MLLT3: variants seen among roughly 807,000 people sequenced by gnomAD.
MLLT3 encodes the protein protein AF-9.
MLLT3 carries 4 observed loss-of-function variants against 53.2 expected under a neutral mutation model. That is an observed-to-expected ratio of 0.08 (90% CI 0.04 to 0.17). The LOEUF is 0.17. Ranked by LOEUF, MLLT3 falls within the 10% of genes least tolerant of loss-of-function variation. MLLT3 has a pLI of 1.00. For synonymous variants in MLLT3, 283 were observed against 230.6 expected (o/e 1.23, Z -2.06); for missense variants, 569 against 684.0 (o/e 0.83, Z 1.87).
chr9:20,426,736 C>A (rs975525043), intron 4 of MLLT3, among the ~76,000 whole-genome samples: 1 of 151,808 alleles, frequency 6.6e-6, no homozygotes, highest in Non-Finnish European at 1.5e-5. Context: ...TATGATACAA[C>A]TAGATATTAG....
intron 2 of MLLT3, among the ~76,000 whole-genome samples, chr9:20,559,831 G>GA (rs1819155876): frequency 6.6e-6 from 1 of 152,160 alleles, no homozygotes; most frequent in African/African-American, 2.4e-5. Flanking sequence ...TTGGTAAAAA[G>GA]AAAGACTGAC....
intron 8 of MLLT3, among the ~76,000 whole-genome samples, chr9:20,356,503 C>T (rs375005173): frequency 6.6e-6 from 1 of 151,948 alleles, no homozygotes; most frequent in Admixed American, 6.6e-5. Context: ...TGGCACTCCT[C>T]GCCAACTCAG....
intron 4 of MLLT3, among the ~76,000 whole-genome samples, chr9:20,427,948 T>C (rs532088193): frequency 5.9e-5 from 9 of 152,250 alleles, no homozygotes; most frequent in African/African-American, 1.9e-4. Context: ...TATTATTATT[T>C]GCTGTTTTCT....
chr9:20,598,230 C>G (rs544681921), intron 2 of MLLT3, among the ~76,000 whole-genome samples: 94 of 152,350 alleles, frequency 6.2e-4, no homozygotes, highest in Admixed American at 2.6e-3. Flanking sequence ...GTTCAAACAT[C>G]TGCTATATAA....
At chr9:20,418,718 G>A (rs1458580285) in intron 4 of MLLT3, among the ~76,000 whole-genome samples, 1 of 152,130 alleles carries the variant, frequency 6.6e-6, no homozygotes, top group Admixed American at 6.5e-5. Context: ...CTGGGCTCAA[G>A]TGATCCTCCT....
At position 20,620,289 on chromosome 9, in the gene MLLT3, A is replaced by ACG. The variant is rs1162981282; in HGVS notation, c.193+364_193+365insCG. On this transcript the variant is annotated intron_variant, in intron 2 of 10. Transcript: ENST00000380338. The surrounding 1 kb of genome is among the most constrained non-coding windows in gnomAD (Gnocchi z 6.1). ...CACACACACACACACACACACACAC[A>ACG]CACACGCGCAAAGTGTTTATTCCCT... 5.3e-3 allele frequency among the ~76,000 whole-genome samples: 714 copies of ACG among 134,480 alleles called. 5 individuals carry two copies. The highest frequency in any genetic ancestry group is 0.02 in the African/African-American group (666 of 33,870). 88.2% of individuals were successfully genotyped at this position (134,480 alleles called of 152,430 possible).
At chr9:20,592,447 C>A (rs563752791) in intron 2 of MLLT3, among the ~76,000 whole-genome samples, 5 of 152,234 alleles carry the variant, frequency 3.3e-5, no homozygotes, top group Non-Finnish European at 1.5e-5. Flanking sequence ...TTTCTCTGTG[C>A]CTTCACATGG....
At chr9:20,500,948 A>G (rs1437507470) in intron 2 of MLLT3, among the ~76,000 whole-genome samples, 1 of 152,228 alleles carries the variant, frequency 6.6e-6, no homozygotes, top group African/African-American at 2.4e-5. Context: ...AGAATTGCCT[A>G]TAATTCAGAG....
At chr9:20,430,340 T>C (rs997568356) in intron 4 of MLLT3, among the ~76,000 whole-genome samples, 3 of 152,148 alleles carry the variant, frequency 2.0e-5, no homozygotes, top group Non-Finnish European at 2.9e-5. Context: ...AAAAATGATC[T>C]ACTAGAACTT....
intron 3 of MLLT3, among the ~76,000 whole-genome samples, chr9:20,454,565 G>A (rs969141245): frequency 2.6e-5 from 4 of 152,152 alleles, no homozygotes; most frequent in African/African-American, 9.7e-5. Context: ...AACCATTATG[G>A]TCTTCTCATA....
At chr9:20,422,601 G>T (rs1334092751) in intron 4 of MLLT3, among the ~76,000 whole-genome samples, 1 of 152,200 alleles carries the variant, frequency 6.6e-6, no homozygotes, top group East Asian at 1.9e-4. Flanking sequence ...AGATGATGCT[G>T]ACCGTTCAAG....
At chr9:20,412,707 T>C (rs1189801983) in intron 5 of MLLT3, among the ~76,000 whole-genome samples, 2 of 152,166 alleles carry the variant, frequency 1.3e-5, no homozygotes, top group Non-Finnish European at 2.9e-5. Context: ...AGAAATACGG[T>C]CAAGCCAATG....
intron 2 of MLLT3, among the ~76,000 whole-genome samples, chr9:20,485,680 CACT>C (rs1824792938): frequency 6.6e-6 from 1 of 152,024 alleles, no homozygotes; most frequent in Non-Finnish European, 1.5e-5. Flanking sequence ...TTTAAAAAAT[CACT>C]ACATTTTCTG....
At chr9:20,596,038 G>A (rs1820252966) in intron 2 of MLLT3, among the ~76,000 whole-genome samples, 2 of 152,222 alleles carry the variant, frequency 1.3e-5, no homozygotes, top group Admixed American at 1.3e-4. Context: ...CTGCTGCAGG[G>A]TATAAACAAA....
At chr9:20,609,872 T>C (rs1820656314) in intron 2 of MLLT3, among the ~76,000 whole-genome samples, 1 of 152,146 alleles carries the variant, frequency 6.6e-6, no homozygotes, top group Non-Finnish European at 1.5e-5. Flanking sequence ...TATATTGGTA[T>C]TTTATTTTCT....
intron 2 of MLLT3, among the ~76,000 whole-genome samples, chr9:20,461,561 G>A (rs1180220818): frequency 1.3e-5 from 2 of 151,770 alleles, no homozygotes; most frequent in Admixed American, 1.3e-4. Context: ...AAATATATTT[G>A]TGCTTATATA....
At chr9:20,489,488 G>C (rs1824894049) in intron 2 of MLLT3, among the ~76,000 whole-genome samples, 1 of 152,224 alleles carries the variant, frequency 6.6e-6, no homozygotes, top group African/African-American at 2.4e-5. Flanking sequence ...AGAAACTGTG[G>C]GTGATTATCA....
chr9:20,579,822 C>T (rs1326581302), intron 2 of MLLT3, among the ~76,000 whole-genome samples: 1 of 152,100 alleles, frequency 6.6e-6, no homozygotes, highest in Non-Finnish European at 1.5e-5. Flanking sequence ...GCCTGGTGAT[C>T]CACAGAGCTC....
chr9:20,568,042 A>G (rs533006230), intron 2 of MLLT3, among the ~76,000 whole-genome samples: 43 of 152,308 alleles, frequency 2.8e-4, no homozygotes, highest in Non-Finnish European at 4.9e-4. Context: ...CTTAGTTAAG[A>G]AGAATATGGT....
Sources: allele counts gnomAD v4.1 joint callset (sites outside exome capture counted in the v4.1 genomes callset), GRCh38; gene constraint gnomAD v4.1.1; non-coding constraint Gnocchi (gnomAD v3.1); transcripts MANE v1.5; gene names NCBI Gene and HGNC (gene_info 2026-07-23, HGNC 2026-07-21).